EPG5: variants seen among roughly 807,000 people sequenced by gnomAD.
EPG5 encodes the protein ectopic P granules protein 5 homolog.
EPG5 carries 159 observed loss-of-function variants against 302.7 expected under a neutral mutation model. The observed-to-expected ratio is 0.53, with a 90% CI of 0.46 to 0.60. The LOEUF (loss-of-function observed/expected upper bound fraction) is 0.60, where lower values mean the gene tolerates loss of function less well. EPG5 is among the 20% of genes least tolerant of loss of function. EPG5 has a pLI of 0.00. For missense variants in EPG5, 2,896 were observed against 3,092.4 expected, an observed-to-expected ratio of 0.94 and a Z score of 1.51; for synonymous variants, 1,158 against 1,136.8, an observed-to-expected ratio of 1.02 and a Z score of -0.37.
intron 14 of EPG5, among the ~76,000 whole-genome samples, chr18:45,924,522 G>A (rs890733244): frequency 6.6e-6 from 1 of 152,214 alleles, no homozygotes. Flanking sequence ...TGTCAGACAG[G>A]TGTAAAGGGC....
downstream of EPG5, chr18:45,843,893 T>C (rs1021353884): frequency 6.6e-6 from 1 of 151,756 alleles, no homozygotes; most frequent in Non-Finnish European, 1.5e-5. Context: ...AAAAAAGAAA[T>C]AGAACTACCA....
Position 45,944,092 on chromosome 18 carries a change from G to C in EPG5, c.1705C>G (p.Leu569Val). ...EDEDPETSWI[L>V]LNEDDLVTIL... is the part of the protein sequence containing the mutation. ...GTAACCAAATCATCTTCATTAAGGA[G>C]AATCCAACTGGTCTCAGGGTCTTCA... Residue 569 changes from leucine to valine, a missense_variant, in exon 8 of 44, where the codon CTC becomes GTC. Coordinates refer to ENST00000282041, the MANE Select transcript of EPG5 (RefSeq NM_020964.3). The C allele has an allele frequency of 6.2e-7, 1 of 1,613,370 alleles. No homozygotes were observed. Among genetic ancestry groups the C allele is most frequent in the Non-Finnish European group, 8.5e-7 (1 of 1,179,362 alleles).
In EPG5 at chr18:45,923,074, T is replaced by C. The variant is rs78607036; in HGVS notation, c.2838+194A>G. ...GCAGTTCAATTCAAATTCTGTAATATTAGAATAGTTATATACAGGCTATTT... is the reference window on the plus strand; with the variant it reads ...GCAGTTCAATTCAAATTCTGTAATACTAGAATAGTTATATACAGGCTATTT... On this transcript the variant is annotated intron_variant, in intron 15 of 43. Transcript: ENST00000282041. 5.7e-3 allele frequency among the ~76,000 whole-genome samples: 870 copies of C among 152,334 alleles called. 16 individuals carry two copies. Among genetic ancestry groups the C allele is most frequent in the African/African-American group, 0.02 (840 of 41,574 alleles).
chr18:45,840,851 C>T, the EPG5 span: 1 of 152,538 alleles, frequency 6.6e-6, no homozygotes, highest in Non-Finnish European at 1.5e-5. Context: ...CTGCTGGTGG[C>T]CCCACTCATC....
intron 43 of EPG5, among the ~76,000 whole-genome samples, chr18:45,853,260 A>G (rs1263734250): frequency 1.3e-5 from 2 of 152,252 alleles, no homozygotes; most frequent in Admixed American, 1.3e-4. Context: ...ACAAGCATGA[A>G]GTACATAGGT....
chr18:45,803,070 T>A, the EPG5 span, among the ~76,000 whole-genome samples: 1 of 152,228 alleles, frequency 6.6e-6, no homozygotes, highest in South Asian at 2.1e-4. Flanking sequence ...ATAGATGGAC[T>A]GGGCATTGTA....
chr18:45,962,744 T>C (rs559542108), intron 1 of EPG5, among the ~76,000 whole-genome samples: 1 of 152,260 alleles, frequency 6.6e-6, no homozygotes, highest in South Asian at 2.1e-4. Flanking sequence ...TTGAACCAGT[T>C]TGTGGTTCCC....
intron 7 of EPG5, among the ~76,000 whole-genome samples, chr18:45,945,912 AC>A (rs2050777217): frequency 6.6e-6 from 1 of 152,216 alleles, no homozygotes; most frequent in East Asian, 1.9e-4. Flanking sequence ...AACAGCTGCC[AC>A]GGCTGTCATT....
chr18:45,878,035 A>G (rs971800883), intron 34 of EPG5, among the ~76,000 whole-genome samples: 1 of 152,214 alleles, frequency 6.6e-6, no homozygotes, highest in Non-Finnish European at 1.5e-5. Context: ...AACACAACTG[A>G]TGTAGTAGAG....
At chr18:45,933,850 CAG>C (rs1018489394) in intron 11 of EPG5, among the ~76,000 whole-genome samples, 4 of 151,908 alleles carry the variant, frequency 2.6e-5, no homozygotes, top group African/African-American at 9.7e-5. Context: ...ACTTGGAAAA[CAG>C]AATTATCTTT....
chr18:45,838,465 C>A, the EPG5 span: 1 of 546,788 alleles, frequency 1.8e-6, no homozygotes, highest in Non-Finnish European at 3.1e-6. Flanking sequence ...CACCCACAAG[C>A]ATGAATTTGC....
the EPG5 span, among the ~76,000 whole-genome samples, chr18:45,807,117 GCT>G: frequency 6.6e-6 from 1 of 152,160 alleles, no homozygotes; most frequent in African/African-American, 2.4e-5. Context: ...TTCCTGCACT[GCT>G]CTGACAACCT....
At chr18:45,932,141 GA>G (rs896384676) in intron 11 of EPG5, among the ~76,000 whole-genome samples, 17 of 150,332 alleles carry the variant, frequency 1.1e-4, no homozygotes, top group Non-Finnish European at 2.1e-4. Context: ...TATTTAAAAA[GA>G]AAAAAAAGAA....
intron 39 of EPG5, 79 bp from the exon 40 acceptor site, chr18:45,860,425 A>G: frequency 6.4e-7 from 1 of 1,571,004 alleles, no homozygotes; most frequent in Non-Finnish European, 8.7e-7. Flanking sequence ...ACAGTGCTTC[A>G]ATCTTAGCTG....
chr18:45,905,384 A>G (rs189136516), intron 24 of EPG5, among the ~76,000 whole-genome samples: 65 of 152,258 alleles, frequency 4.3e-4, no homozygotes, highest in African/African-American at 1.6e-3. Context: ...TGAAGTCCCA[A>G]CTCATTATTT....
At chr18:45,866,735 G>C in intron 38 of EPG5, 63 bp downstream of exon 38, 1 of 1,291,876 alleles carries the variant, frequency 7.7e-7, no homozygotes, top group Non-Finnish European at 1.1e-6. Context: ...GTCCTTTGTA[G>C]CACTTATGCT....
At chr18:45,854,992 A>G (rs942978770) in intron 43 of EPG5, among the ~76,000 whole-genome samples, 2 of 152,192 alleles carry the variant, frequency 1.3e-5, no homozygotes, top group African/African-American at 4.8e-5. Flanking sequence ...ACGAATGCTG[A>G]TCATCATTTT....
chr18:45,877,326 G>A (rs1568113504), intron 34 of EPG5, among the ~76,000 whole-genome samples: 1 of 152,200 alleles, frequency 6.6e-6, no homozygotes, highest in African/African-American at 2.4e-5. Context: ...GGCTGAGGCA[G>A]GAGAATCGCT....
chr18:45,937,272 A>G (rs2050553799), intron 10 of EPG5, among the ~76,000 whole-genome samples: 1 of 150,168 alleles, frequency 6.7e-6, no homozygotes, highest in South Asian at 2.1e-4. Flanking sequence ...ACACACACAC[A>G]CACACATATG....
Sources: allele counts gnomAD v4.1 joint callset (sites outside exome capture counted in the v4.1 genomes callset), GRCh38; gene constraint gnomAD v4.1.1; transcripts MANE v1.5; gene names NCBI Gene and HGNC (gene_info 2026-07-23, HGNC 2026-07-21).